C13orf46: variants seen among roughly 807,000 people sequenced by gnomAD.
C13orf46 encodes the protein chromosome 13 open reading frame 46.
downstream of C13orf46, among the ~76,000 whole-genome samples, chr13:113,952,938 C>G (rs1365708316): frequency 2.6e-5 from 4 of 152,362 alleles, no homozygotes; most frequent in South Asian, 2.1e-4. Context: ...GTGGCAGGAG[C>G]TGCTCTCGGG....
chr13:113,947,694 C>T, the C13orf46 span, among the ~76,000 whole-genome samples: 5 of 152,182 alleles, frequency 3.3e-5, no homozygotes, highest in African/African-American at 9.7e-5. Flanking sequence ...TCCCGAGATT[C>T]CTTGGGCCCA....
chr13:113,933,508 C>T, the C13orf46 span, among the ~76,000 whole-genome samples: 1 of 152,114 alleles, frequency 6.6e-6, no homozygotes, highest in African/African-American at 2.4e-5. Context: ...CTGTATAAAC[C>T]TTAGAATTAG....
the C13orf46 span, among the ~76,000 whole-genome samples, chr13:113,945,539 GAGAAAGAAAGAAAGAA>G: frequency 6.8e-5 from 5 of 73,670 alleles, no homozygotes; most frequent in Non-Finnish European, 1.5e-4. Flanking sequence ...GCGAGAATCT[GAGAAAGAAAGAAAGAA>G]AGAAAGAAAG....
chr13:113,967,951 G>C (rs1314611875), intron 4 of C13orf46, among the ~76,000 whole-genome samples: 1 of 152,200 alleles, frequency 6.6e-6, no homozygotes, highest in Non-Finnish European at 1.5e-5. Context: ...GGGAGCATTT[G>C]AGTCAACTCC....
the C13orf46 span, among the ~76,000 whole-genome samples, chr13:113,939,963 C>G: frequency 6.6e-6 from 1 of 152,224 alleles, no homozygotes; most frequent in Non-Finnish European, 1.5e-5. Flanking sequence ...TCATCTGAGC[C>G]AGAGCCTCCT....
chr13:113,947,375 CA>C, the C13orf46 span, among the ~76,000 whole-genome samples: 2 of 152,124 alleles, frequency 1.3e-5, no homozygotes, highest in African/African-American at 2.4e-5. Context: ...GAACCCGCTC[CA>C]GATGGGCAGG....
chr13:113,970,711 A>C (rs1594255574), intron 1 of C13orf46, among the ~76,000 whole-genome samples: 1 of 152,034 alleles, frequency 6.6e-6, no homozygotes, highest in Non-Finnish European at 1.5e-5. Context: ...AAAATCCACC[A>C]ATCCCCAGGG....
intron 6 of C13orf46, among the ~76,000 whole-genome samples, chr13:113,963,515 C>CAGCT (rs2052608054): frequency 7.3e-6 from 1 of 137,774 alleles, no homozygotes. Flanking sequence ...TCCTCAGCCT[C>CAGCT]GCCCCTGTCC....
chr13:113,939,345 G>GAGACCACCCGATGGGGAGGATGC, the C13orf46 span, among the ~76,000 whole-genome samples: 7 of 149,592 alleles, frequency 4.7e-5, no homozygotes, highest in South Asian at 2.1e-4. Flanking sequence ...GGGGAGGACA[G>GAGACCACCCGATGGGGAGGATGC]AGACCACCCG....
At chr13:113,946,035 C>T in the C13orf46 span, among the ~76,000 whole-genome samples, 189 of 152,352 alleles carry the variant, frequency 1.2e-3, 4 homozygotes, top group South Asian at 0.018. Context: ...GTAAACCCAC[C>T]GCTGCCCGTT....
chr13:113,935,144 C>A, the C13orf46 span, among the ~76,000 whole-genome samples: 1 of 152,246 alleles, frequency 6.6e-6, no homozygotes, highest in Non-Finnish European at 1.5e-5. Flanking sequence ...GGAACAGTTT[C>A]CTGGCCAGTG....
At chr13:113,944,472 G>A in the C13orf46 span, among the ~76,000 whole-genome samples, 2 of 152,232 alleles carry the variant, frequency 1.3e-5, no homozygotes, top group Non-Finnish European at 2.9e-5. Flanking sequence ...AATGGCCTTG[G>A]AAATGTTCCC....
chr13:113,969,021 C>T (rs968972557), intron 2 of C13orf46, among the ~76,000 whole-genome samples: 3 of 152,268 alleles, frequency 2.0e-5, no homozygotes, highest in Non-Finnish European at 4.4e-5. Flanking sequence ...TTACAGCCAA[C>T]CTGGGCTTAT....
At chr13:113,957,588 G>A (rs1475751554) in intron 6 of C13orf46, among the ~76,000 whole-genome samples, 5 of 113,288 alleles carry the variant, frequency 4.4e-5, no homozygotes. Flanking sequence ...GGTCTCCCCT[G>A]CACTCTGCCT....
chr13:113,945,269 T>G, the C13orf46 span, among the ~76,000 whole-genome samples: 1 of 152,044 alleles, frequency 6.6e-6, no homozygotes, highest in African/African-American at 2.4e-5. Flanking sequence ...TGGCTTGTGG[T>G]CCACTGAAAC....
Position 113,954,838 on chromosome 13 carries a change from CATCCGGTGGAGATGA to C in C13orf46, c.*1920_*1934del. ...AGGAGCATCCGGTGGAGATGAGGAG[CATCCGGTGGAGATGA>C]GGAGCATCTCGTGGGGAGGAGGAGC... On this transcript the variant is annotated 3_prime_UTR_variant, in exon 7 of 7. Coordinates refer to ENST00000636427, the MANE Select transcript of C13orf46 (RefSeq NM_001365455.2). 1.0e-5 allele frequency: 1 copy of C among 98,086 alleles called. No homozygotes were observed. The highest frequency in any genetic ancestry group is 2.5e-5 in the Non-Finnish European group (1 of 40,078). 6.1% of individuals were successfully genotyped at this position (98,086 alleles called of 1,614,324 possible).
At chr13:113,967,509 T>G (rs1299210156) in intron 4 of C13orf46, 121 bp from the exon 5 acceptor site, 1 of 152,258 alleles carries the variant, frequency 6.6e-6, no homozygotes, top group African/African-American at 2.4e-5. Context: ...ACCCTGGTGA[T>G]GACCATCAGG....
At chr13:113,949,406 A>C (rs2052480652), downstream of C13orf46, among the ~76,000 whole-genome samples, 2 of 152,188 alleles carry the variant, frequency 1.3e-5, no homozygotes, top group Non-Finnish European at 2.9e-5. Flanking sequence ...GTAGGGGCAG[A>C]GTCTTGTGGG....
chr13:113,971,688 G>A (rs373701133), intron 1 of C13orf46, among the ~76,000 whole-genome samples: 15 of 152,314 alleles, frequency 9.8e-5, no homozygotes, highest in African/African-American at 2.9e-4. Flanking sequence ...TGAAGTGGAC[G>A]CGGCGTCTCA....
Sources: allele counts gnomAD v4.1 joint callset (sites outside exome capture counted in the v4.1 genomes callset), GRCh38; gene constraint gnomAD v4.1.1; transcripts MANE v1.5; gene names NCBI Gene and HGNC (gene_info 2026-07-23, HGNC 2026-07-21).